SNX8: variants seen among roughly 807,000 people sequenced by gnomAD.
SNX8 encodes sorting nexin 8, also known as sorting nexin-8.
Under a neutral mutation model 51.6 loss-of-function variants are expected in SNX8, and 25 were observed. The observed-to-expected ratio is 0.48, with a 90% CI of 0.35 to 0.68. SNX8 has a LOEUF of 0.68. Ranked by LOEUF, SNX8 falls within the 30% of genes least tolerant of loss-of-function variation. The pLI is 0.00. For missense variants in SNX8, 695 were observed against 624.0 expected (o/e 1.11, Z -1.21); for synonymous variants, 324 against 277.0 (o/e 1.17, Z -1.68).
At chr7:2,285,173 C>T (rs1045457641) in intron 1 of SNX8, among the ~76,000 whole-genome samples, 2 of 144,534 alleles carry the variant, frequency 1.4e-5, no homozygotes, top group African/African-American at 5.1e-5. Context: ...GATGGCGCCA[C>T]TGCACTCCAG....
chr7:2,256,893 T>C lies in SNX8; in HGVS notation c.1265A>G (p.Gln422Arg). ...ACTCACCTCCTTGTGCCCTTGGATC[T>C]GAGAGTTGACGAAGGCGCGGAGGAT... is the stretch of plus-strand genomic sequence containing the variant. The part of the protein sequence containing the change: ...SHILRAFVNS[Q>R]IQGHKEMSKV... Residue 422 changes from glutamine (Q) to arginine (R), a missense_variant, in exon 10 of 11, where the codon CAG becomes CGG. By Grantham distance (43) the Gln-to-Arg change is conservative. Transcript: ENST00000222990. 4 of 1,612,974 alleles carry C rather than the reference T, an allele frequency of 2.5e-6. No homozygotes were observed. Among genetic ancestry groups the C allele is most frequent in the Non-Finnish European group, 3.4e-6 (4 of 1,179,572 alleles).
At chr7:2,257,596 C>A (rs369433805) in intron 8 of SNX8, 82 bp from the exon 9 acceptor site, 1 of 1,582,128 alleles carries the variant, frequency 6.3e-7, no homozygotes, top group African/African-American at 1.3e-5. Flanking sequence ...GAAGCACCCC[C>A]GCCAGACGGA....
At chr7:2,302,363 C>A (rs2115186727) in intron 1 of SNX8, among the ~76,000 whole-genome samples, 1 of 152,384 alleles carries the variant, frequency 6.6e-6, no homozygotes, top group East Asian at 1.9e-4. Context: ...CTCGGCCTCC[C>A]GAGGTGCCGG....
chr7:2,277,341 T>G (rs1190781693), intron 2 of SNX8, among the ~76,000 whole-genome samples: 2 of 152,178 alleles, frequency 1.3e-5, no homozygotes, highest in Non-Finnish European at 2.9e-5. Context: ...TAAAGGGGAT[T>G]AGAGTGACAC....
At chr7:2,267,540 C>A (rs1457466348) in intron 5 of SNX8, among the ~76,000 whole-genome samples, 1 of 133,296 alleles carries the variant, frequency 7.5e-6, no homozygotes, top group African/African-American at 2.7e-5. Flanking sequence ...TCTCCAGCCC[C>A]TAACCGCGAG....
chr7:2,328,755 T>C (rs1172706765), intron 1 of SNX8, among the ~76,000 whole-genome samples: 1 of 151,804 alleles, frequency 6.6e-6, no homozygotes, highest in Non-Finnish European at 1.5e-5. Flanking sequence ...ATCGAGACCA[T>C]CCTGGCTAAC....
At chr7:2,263,459 A>G (rs1276158746) in intron 6 of SNX8, 97 bp from the exon 7 acceptor site, 2 of 1,253,794 alleles carry the variant, frequency 1.6e-6, no homozygotes, top group East Asian at 2.6e-5. Context: ...CCTCCACGGC[A>G]ACCTGCGTGA....
At chr7:2,351,074 G>A (rs1201078216) in intron 1 of SNX8, among the ~76,000 whole-genome samples, 3 of 152,086 alleles carry the variant, frequency 2.0e-5, no homozygotes, top group African/African-American at 4.8e-5. Flanking sequence ...CCATGATTGC[G>A]CCACTGTGCT....
At chr7:2,268,602 G>C (rs1296968591) in intron 5 of SNX8, among the ~76,000 whole-genome samples, 1 of 141,628 alleles carries the variant, frequency 7.1e-6, no homozygotes, top group Non-Finnish European at 1.6e-5. Context: ...GGAGGTGGGG[G>C]GGTCAGCCCT....
At chr7:2,281,127 G>C (rs529060780) in intron 1 of SNX8, among the ~76,000 whole-genome samples, 3 of 151,650 alleles carry the variant, frequency 2.0e-5, no homozygotes, top group Non-Finnish European at 4.4e-5. Flanking sequence ...TTTTAATTAA[G>C]AAAAAGAAAG....
chr7:2,286,800 G>A (rs1279822942), intron 1 of SNX8, among the ~76,000 whole-genome samples: 2 of 151,996 alleles, frequency 1.3e-5, no homozygotes, highest in Non-Finnish European at 2.9e-5. Flanking sequence ...ACAGGCATGA[G>A]CCACCGCAAC....
chr7:2,323,397 G>A lies in SNX8; in HGVS notation c.-66+30825C>T, dbSNP rs140922731. On this transcript the variant is annotated intron_variant, in intron 1 of 5. Coordinates refer to the SNX8 transcript ENST00000435336. Reference sequence around the variant, plus strand: ...AATAATGGGTAATGCATTGTTTAGCGTATCTTAGAAATACTAATAATGGCT... The same window carrying A: ...AATAATGGGTAATGCATTGTTTAGCATATCTTAGAAATACTAATAATGGCT... Among the ~76,000 whole-genome samples, 54 of 151,286 alleles carry A rather than the reference G, an allele frequency of 3.6e-4. No individual in the cohort carries two copies. In the East Asian group the frequency reaches 0.01, roughly 28 times the overall value.
At chr7:2,260,103 G>C (rs1795300248) in intron 7 of SNX8, among the ~76,000 whole-genome samples, 1 of 151,964 alleles carries the variant, frequency 6.6e-6, no homozygotes, top group Non-Finnish European at 1.5e-5. Flanking sequence ...TACAGATTTG[G>C]CTTTTTTTTT....
chr7:2,285,206 C>G (rs1464457625), intron 1 of SNX8, among the ~76,000 whole-genome samples: 1 of 101,884 alleles, frequency 9.8e-6, no homozygotes, highest in African/African-American at 3.7e-5. Flanking sequence ...AGCAAGACTC[C>G]GTCTCAAAAA....
intron 1 of SNX8, chr7:2,309,760 A>G: frequency 2.1e-6 from 1 of 465,292 alleles, no homozygotes; most frequent in South Asian, 1.6e-5. Flanking sequence ...ACTTTAAGTG[A>G]CAGCGCAATG....
upstream of SNX8, among the ~76,000 whole-genome samples, chr7:2,316,792 C>A (rs1236816587): frequency 6.6e-6 from 1 of 151,824 alleles, no homozygotes; most frequent in Non-Finnish European, 1.5e-5. Context: ...CACCCACCCA[C>A]TCACTCACTC....
chr7:2,291,453 C>T (rs748325128), intron 1 of SNX8, among the ~76,000 whole-genome samples: 16 of 152,032 alleles, frequency 1.1e-4, no homozygotes, highest in Non-Finnish European at 2.1e-4. Context: ...CAAAAATTAG[C>T]TGGCTGTGGT....
chr7:2,347,280 G>C (rs991206676), intron 1 of SNX8, among the ~76,000 whole-genome samples: 4 of 152,006 alleles, frequency 2.6e-5, no homozygotes, highest in Non-Finnish European at 4.4e-5. Context: ...TCAGGAGTTT[G>C]AGACCAGCCT....
chr7:2,354,427 T>C (rs1277161967), upstream of SNX8: 1 of 152,224 alleles, frequency 6.6e-6, no homozygotes, highest in African/African-American at 2.4e-5. Context: ...AGCAATCGCC[T>C]GTTGAGTCTC....
Sources: gnomAD v4.1 joint callset for allele counts (sites outside exome capture counted in the v4.1 genomes callset) on GRCh38, gnomAD v4.1.1 for gene constraint, MANE v1.5 for transcripts, NCBI Gene and HGNC (gene_info 2026-07-23, HGNC 2026-07-21) for gene names.